The following SEZ6L2 variants were observed in gnomAD, a reference collection of about 807,000 sequenced individuals.
The protein encoded by SEZ6L2 is seizure related 6 homolog like 2, also known as seizure 6-like protein 2.
Under a neutral mutation model 97.0 loss-of-function variants are expected in SEZ6L2, and 44 were observed. That is an observed-to-expected ratio of 0.45 (90% CI 0.36 to 0.58). The LOEUF (loss-of-function observed/expected upper bound fraction) is 0.58, where lower values mean the gene tolerates loss of function less well. Ranked by LOEUF, SEZ6L2 falls within the 20% of genes least tolerant of loss-of-function variation. SEZ6L2 has a pLI of 0.00. For synonymous variants in SEZ6L2, 543 were observed against 546.1 expected (o/e 0.99, Z 0.08); for missense variants, 1,086 against 1,233.3 (o/e 0.88, Z 1.79).
chr16:29,876,883 G>C lies in SEZ6L2; in HGVS notation c.1977C>G (p.His659Gln). 2 of 1,613,618 alleles carry C rather than the reference G, an allele frequency of 1.2e-6. No individual in the cohort carries two copies. The highest frequency in any genetic ancestry group is 2.2e-5 in the South Asian group (2 of 91,044). ...PPEWGWRTAS[H>Q]GDLIRGTVLT... is the part of the protein sequence containing the mutation. ...GCACCGTGCCCCGGATCAGGTCCCC[G>C]TGGGATGCCGTTCTCCAGCCCCACT... The change falls in exon 12 of 18, where the codon CAC becomes CAG. Residue 659 changes from histidine (H) to glutamine (Q), a missense_variant. This residue lies in a region of SEZ6L2 where 310 missense variants were observed against 438.6 expected (regional missense o/e 0.71). Transcript: ENST00000617533. This position sits in a 1 kb window ranked among gnomAD's most constrained non-coding sequence, Gnocchi z 6.5.
In SEZ6L2 at chr16:29,889,614, C is replaced by CTTTTTTT. The variant is rs869108927; in HGVS notation, c.854-896_854-890dup. On this transcript the variant is annotated intron_variant, in intron 5 of 17. Coordinates refer to ENST00000617533, the MANE Select transcript of SEZ6L2 (RefSeq NM_001243332.2). ...CATCCAGAAGAACCACTTGAAACTT[C>CTTTTTTT]TTTTTTTTTTTTTTTTTTTTTTTTT... Among the ~76,000 whole-genome samples the CTTTTTTT allele has an allele frequency of 4.0e-4, 28 of 70,564 alleles. 3 individuals carry two copies. Among genetic ancestry groups the CTTTTTTT allele is most frequent in the Non-Finnish European group, 6.4e-4 (21 of 32,808 alleles). The allele number at this position is 70,564 out of a possible 152,430, so 46.3% of individuals were successfully genotyped here.
At chr16:29,881,866 G>A (rs549694546) in intron 8 of SEZ6L2, among the ~76,000 whole-genome samples, 57 of 148,602 alleles carry the variant, frequency 3.8e-4, no homozygotes, top group African/African-American at 1.4e-3. Context: ...CTGACCTCAG[G>A]TGATCCACCC....
chr16:29,896,774 G>C, intron 3 of SEZ6L2, 48 bp downstream of exon 3: 1 of 1,555,018 alleles, frequency 6.4e-7, no homozygotes. Context: ...CATCCCCAGC[G>C]TGTACCTCTC....
intron 8 of SEZ6L2, among the ~76,000 whole-genome samples, chr16:29,880,573 G>A (rs775229363): frequency 5.3e-5 from 8 of 151,396 alleles, no homozygotes; most frequent in Non-Finnish European, 1.2e-4. Flanking sequence ...TGCCTGCCTC[G>A]GCCTCCCAAA....
At chr16:29,874,544 G>T (rs1316732013) in intron 12 of SEZ6L2, among the ~76,000 whole-genome samples, 3 of 57,484 alleles carry the variant, frequency 5.2e-5, no homozygotes, top group Non-Finnish European at 7.4e-5. Flanking sequence ...CTTTGTGTGT[G>T]TGCTTGTTTT....
intron 3 of SEZ6L2, 82 bp downstream of exon 3, chr16:29,896,737 ACAG>A: frequency 8.1e-7 from 1 of 1,232,046 alleles, no homozygotes; most frequent in Non-Finnish European, 1.2e-6. Flanking sequence ...GACTCCTTCC[ACAG>A]TTCCCAGCAG....
intron 8 of SEZ6L2, among the ~76,000 whole-genome samples, chr16:29,885,312 A>G (rs967772268): frequency 7.2e-5 from 11 of 152,202 alleles, no homozygotes; most frequent in Non-Finnish European, 1.3e-4. Flanking sequence ...AAGCCAGCAC[A>G]GAGGAAAGAA....
chr16:29,892,792 G>A (rs2068297567), intron 5 of SEZ6L2, among the ~76,000 whole-genome samples: 1 of 152,214 alleles, frequency 6.6e-6, no homozygotes, highest in Non-Finnish European at 1.5e-5. Flanking sequence ...AAGACAGTGG[G>A]GTCTGGAACA....
chr16:29,875,374 C>A (rs186752728), intron 12 of SEZ6L2, among the ~76,000 whole-genome samples: 1 of 152,264 alleles, frequency 6.6e-6, no homozygotes, highest in East Asian at 1.9e-4. Flanking sequence ...CACCTTCAGG[C>A]TCAATCTGCT....
Position 29,897,248 on chromosome 16 carries a change from A to T in SEZ6L2, c.212-127T>A, listed in dbSNP as rs901213816. The T allele has an allele frequency of 4.9e-6, 4 of 811,378 alleles. No individual in the cohort carries two copies. The Admixed American group carries it at 1.2e-4, about 25-fold the overall frequency. The allele number at this position is 811,378 out of a possible 1,614,324, so 50.3% of individuals were successfully genotyped here. On this transcript the variant is annotated intron_variant, in intron 2 of 17. Coordinates refer to ENST00000617533, the MANE Select transcript of SEZ6L2 (RefSeq NM_001243332.2). ...AAAAGCCTCCCGCACAAGGTACAGC[A>T]CCCCCCACCTTTCCCTTCCCCACCC...
chr16:29,877,372 C>T lies in SEZ6L2; in HGVS notation c.1808G>A (p.Arg603His), dbSNP rs764441680. 1.9e-6 allele frequency: 3 copies of T among 1,613,284 alleles called. No individual in the cohort carries two copies. Among genetic ancestry groups the T allele is most frequent in the South Asian group, 2.2e-5 (2 of 91,044 alleles). The change falls in exon 11 of 18, where the codon CGC (arginine) becomes CAC (histidine). Residue 603 changes from arginine to histidine, a missense_variant. Coordinates refer to ENST00000617533, the MANE Select transcript of SEZ6L2 (RefSeq NM_001243332.2). ...GTCGGGCCCAGAGGAGAGAAGGCGG[C>T]GGCGCGGCTGAGGTCCCCGCAGCTG... ...LAQLRGPQPR[R>H]RLLSSGPDLT...
intron 14 of SEZ6L2, among the ~76,000 whole-genome samples, 198 bp from the exon 15 acceptor site, chr16:29,872,941 A>G (rs2067817498): frequency 1.3e-5 from 2 of 152,194 alleles, no homozygotes; most frequent in African/African-American, 4.8e-5. Flanking sequence ...AGACCCCTAA[A>G]AAGTCAGGGT....
intron 5 of SEZ6L2, among the ~76,000 whole-genome samples, chr16:29,890,990 G>A (rs1375603674): frequency 6.6e-6 from 1 of 151,672 alleles, no homozygotes; most frequent in Non-Finnish European, 1.5e-5. Context: ...CACCCAGGCT[G>A]GAGTGCAGTG....
At chr16:29,887,137 C>T (rs554879478) in intron 7 of SEZ6L2, among the ~76,000 whole-genome samples, 11 of 147,622 alleles carry the variant, frequency 7.5e-5, no homozygotes, top group South Asian at 4.3e-4. Context: ...GCCAAGACTG[C>T]GGCACTGCAC....
Position 29,888,616 on chromosome 16 carries a change from C to G in SEZ6L2, c.963G>C (p.Gln321His), listed in dbSNP as rs1596982663. Residue 321 changes from glutamine (Q) to histidine (H), a missense_variant, in exon 6 of 18, where the codon CAG (glutamine) becomes CAC (histidine). Transcript: ENST00000617533. ...AGATGAGGGTCTCCTCTCCCTGCAG[C>G]TGGTAGCCCGAATCACAGTGAAAGG... ...TATFHCDSGY[Q>H]LQGEETLICL... 1 of 1,614,132 alleles carries G rather than the reference C, an allele frequency of 6.2e-7. No homozygotes were observed. Among genetic ancestry groups the G allele is most frequent in the Non-Finnish European group, 8.5e-7 (1 of 1,180,016 alleles).
intron 9 of SEZ6L2, 149 bp downstream of exon 9, chr16:29,879,715 A>G (rs2067989896): frequency 2.7e-6 from 2 of 731,374 alleles, no homozygotes; most frequent in Admixed American, 5.0e-5. Flanking sequence ...TCAGCTAAGA[A>G]AACAGCCTCT....
At chr16:29,877,127 C>G in intron 11 of SEZ6L2, 144 bp downstream of exon 11, 2 of 1,096,530 alleles carry the variant, frequency 1.8e-6, no homozygotes, top group Non-Finnish European at 1.3e-6. Flanking sequence ...TCACTGCAGC[C>G]TCAACCTCCT....
intron 9 of SEZ6L2, among the ~76,000 whole-genome samples, chr16:29,878,813 G>A (rs1036438935): frequency 1.4e-5 from 2 of 144,834 alleles, no homozygotes; most frequent in African/African-American, 5.2e-5. Flanking sequence ...TACGGTGTTA[G>A]CCAGAATGGT....
At chr16:29,881,996 A>G (rs1451481070) in intron 8 of SEZ6L2, among the ~76,000 whole-genome samples, 1 of 125,580 alleles carries the variant, frequency 8.0e-6, no homozygotes, top group Non-Finnish European at 1.6e-5. Flanking sequence ...TTTGAGACTG[A>G]GTCTCGCTCT....
Sources: gnomAD v4.1 joint callset for allele counts (sites outside exome capture counted in the v4.1 genomes callset) on GRCh38, gnomAD v4.1.1 for gene constraint, gnomAD v4.1.1 regional missense constraint, Gnocchi (gnomAD v3.1) non-coding constraint, MANE v1.5 for transcripts, NCBI Gene and HGNC (gene_info 2026-07-23, HGNC 2026-07-21) for gene names.